WWOX: variants seen among roughly 807,000 people sequenced by gnomAD.
The protein encoded by WWOX is WW domain containing oxidoreductase, also known as WW domain-containing oxidoreductase.
A neutral mutation model predicts 46.2 loss-of-function variants in WWOX; 69 were observed. The observed-to-expected ratio is 1.49, with a 90% CI of 1.23 to 1.82. The LOEUF is 1.82. WWOX is among the 40% of genes most tolerant of loss of function. WWOX has a pLI of 0.00. For synonymous variants in WWOX, 359 were observed against 202.6 expected (o/e 1.77, Z -6.56); for missense variants, 919 against 542.6 (o/e 1.69, Z -6.89).
At chr16:79,143,733 G>T (rs1275439408) in intron 8 of WWOX, among the ~76,000 whole-genome samples, 1 of 152,094 alleles carries the variant, frequency 6.6e-6, no homozygotes. Flanking sequence ...ATAGGTGCCG[G>T]TTTGTCTCTA....
At chr16:78,838,626 G>T (rs1174271021) in intron 8 of WWOX, among the ~76,000 whole-genome samples, 1 of 152,168 alleles carries the variant, frequency 6.6e-6, no homozygotes, top group Non-Finnish European at 1.5e-5. Flanking sequence ...TGGGTCACCT[G>T]AGGTCCGGAG....
chr16:78,924,200 G>C (rs1380196039), intron 8 of WWOX, among the ~76,000 whole-genome samples: 3 of 152,114 alleles, frequency 2.0e-5, no homozygotes, highest in Admixed American at 1.3e-4. Flanking sequence ...TAGCTGGGAG[G>C]TCTCTGAAGC....
At chr16:78,183,164 A>G (rs1597321724) in intron 5 of WWOX, among the ~76,000 whole-genome samples, 1 of 152,080 alleles carries the variant, frequency 6.6e-6, no homozygotes, top group Non-Finnish European at 1.5e-5. Context: ...ACATATAGGT[A>G]TGCGAGACGT....
Position 78,789,252 on chromosome 16 carries a change from A to G in WWOX, c.1056+356500A>G, listed in dbSNP as rs988235032. On this transcript the variant is annotated intron_variant, in intron 8 of 8. Coordinates refer to ENST00000566780, the MANE Select transcript of WWOX (RefSeq NM_016373.4). ...AGTTTTTCCCTGAAACCACCCCTCT[A>G]TTTTCTTCTCAGACTTTTATAGTTT... is the stretch of plus-strand genomic sequence containing the variant. Among the ~76,000 whole-genome samples, 5 of 151,998 alleles carry G rather than the reference A, an allele frequency of 3.3e-5. No homozygotes were observed. In the East Asian group the frequency reaches 5.8e-4, roughly 18 times the overall value.
intron 8 of WWOX, among the ~76,000 whole-genome samples, chr16:78,652,765 A>G (rs1041932738): frequency 1.3e-5 from 2 of 152,208 alleles, no homozygotes; most frequent in East Asian, 1.9e-4. Context: ...GTAAAGAAGC[A>G]GATATTTCTT....
At chr16:78,578,255 TA>T (rs1567657242) in intron 8 of WWOX, among the ~76,000 whole-genome samples, 2,665 of 23,908 alleles carry the variant, frequency 0.11, 116 homozygotes, top group Middle Eastern at 0.28. Context: ...TACCAAATTT[TA>T]TATATATATA....
intron 8 of WWOX, among the ~76,000 whole-genome samples, chr16:78,959,557 A>G (rs1220971729): frequency 6.6e-6 from 1 of 152,142 alleles, no homozygotes; most frequent in East Asian, 1.9e-4. Flanking sequence ...CCATTCATCC[A>G]TCTATCCATC....
chr16:78,103,098 T>G (rs560048763), intron 1 of WWOX, among the ~76,000 whole-genome samples: 13 of 152,286 alleles, frequency 8.5e-5, no homozygotes, highest in African/African-American at 2.9e-4. Flanking sequence ...CCTGCCTTCC[T>G]GCTGCCTGGC....
rs1336733392 is a variant in WWOX at position 78,144,444 on chromosome 16, TATACACATATATATATATACAC to T, written c.410-19737_410-19716del. On this transcript the variant is annotated intron_variant, in intron 4 of 8. Coordinates refer to ENST00000566780, the MANE Select transcript of WWOX (RefSeq NM_016373.4). ...TTTGCCATTACTATATATATATATA[TATACACATATATATATATACAC>T]ACATATATATATATATATATACACA... Among the ~76,000 whole-genome samples, 101 of 15,638 alleles carry T rather than the reference TATACACATATATATATATACAC, an allele frequency of 6.5e-3. 10 individuals are homozygous for T. Among genetic ancestry groups the T allele is most frequent in the African/African-American group, 0.017 (47 of 2,812 alleles). 10.3% of individuals were successfully genotyped at this position (15,638 alleles called of 152,430 possible).
At chr16:78,519,514 G>T (rs1226372472) in intron 8 of WWOX, among the ~76,000 whole-genome samples, 2 of 151,222 alleles carry the variant, frequency 1.3e-5, no homozygotes, top group African/African-American at 4.9e-5. Context: ...TATTACATAT[G>T]GATATATAGA....
intron 4 of WWOX, among the ~76,000 whole-genome samples, chr16:78,129,522 CAT>C (rs2033505251): frequency 6.6e-6 from 1 of 152,094 alleles, no homozygotes. Context: ...AGTCCATTGT[CAT>C]GTGATAGTGA....
intron 6 of WWOX, among the ~76,000 whole-genome samples, chr16:78,397,062 A>C (rs922005456): frequency 6.6e-6 from 1 of 152,200 alleles, no homozygotes; most frequent in Non-Finnish European, 1.5e-5. Context: ...CAAGGTAAAT[A>C]AGTGTTGAGA....
chr16:78,835,768 T>C (rs978911278), intron 8 of WWOX, among the ~76,000 whole-genome samples: 5 of 152,106 alleles, frequency 3.3e-5, no homozygotes, highest in Admixed American at 1.3e-4. Flanking sequence ...CAACAAAAAA[T>C]GTATTGCCAA....
intron 5 of WWOX, among the ~76,000 whole-genome samples, chr16:78,284,168 G>A (rs2079730619): frequency 6.6e-6 from 1 of 152,146 alleles, no homozygotes; most frequent in Non-Finnish European, 1.5e-5. Context: ...CTGGTTTAAG[G>A]GGTTGGACAA....
chr16:78,777,876 C>G (rs116498720), intron 8 of WWOX, among the ~76,000 whole-genome samples: 2,620 of 151,878 alleles, frequency 0.017, 75 homozygotes, highest in African/African-American at 0.06. Context: ...GAAACCCTGT[C>G]TGTACAAAAA....
rs78549091 is a variant in WWOX, at chr16:78,115,232, G to C, written c.409+78G>C. The C allele has an allele frequency of 8.3e-4, 1,283 of 1,545,656 alleles. 16 individuals are homozygous for C. In the East Asian group the frequency reaches 0.025, roughly 30 times the overall value. ...TTAGATCTAGCTATAATGGAATTTT[G>C]TTTAGTGGTTCTCTGATTTAAACAT... On this transcript the variant is annotated intron_variant, in intron 4 of 8. Transcript: ENST00000566780.
At chr16:78,709,368 C>T (rs780251545) in intron 8 of WWOX, among the ~76,000 whole-genome samples, 9 of 152,184 alleles carry the variant, frequency 5.9e-5, no homozygotes, top group Non-Finnish European at 8.8e-5. Flanking sequence ...AAGGAAAGCC[C>T]GCGATTCTCG....
At chr16:78,859,342 A>C (rs1218164917) in intron 8 of WWOX, among the ~76,000 whole-genome samples, 1 of 151,970 alleles carries the variant, frequency 6.6e-6, no homozygotes, top group Non-Finnish European at 1.5e-5. Context: ...CCTTCCTGCA[A>C]TTTCTAATAA....
chr16:78,769,489 TG>T (rs1567547784), intron 8 of WWOX, among the ~76,000 whole-genome samples: 1 of 151,952 alleles, frequency 6.6e-6, no homozygotes, highest in Non-Finnish European at 1.5e-5. Flanking sequence ...GGAGATAAAA[TG>T]GGTAATTAAC....
Sources: allele counts gnomAD v4.1 joint callset (sites outside exome capture counted in the v4.1 genomes callset), GRCh38; gene constraint gnomAD v4.1.1; transcripts MANE v1.5; gene names NCBI Gene and HGNC (gene_info 2026-07-23, HGNC 2026-07-21).